The following BACE2 variants were observed in gnomAD, a reference collection of about 807,000 sequenced individuals.
The protein encoded by BACE2 is beta-secretase 2, also known as 56 kDa aspartic-like protease.
BACE2 carries 17 observed loss-of-function variants against 46.2 expected under a neutral mutation model. The ratio of observed to expected loss-of-function variants is 0.37; its 90% CI spans 0.25 to 0.55. The LOEUF (loss-of-function observed/expected upper bound fraction) is 0.55, where lower values mean the gene tolerates loss of function less well. BACE2 is among the 20% of genes least tolerant of loss of function. The pLI is 0.82. For synonymous variants in BACE2, 277 were observed against 295.9 expected (o/e 0.94, Z 0.66); for missense variants, 595 against 698.1 (o/e 0.85, Z 1.66).
intron 4 of BACE2, among the ~76,000 whole-genome samples, chr21:41,242,655 G>A (rs1987336997): frequency 6.6e-6 from 1 of 152,172 alleles, no homozygotes; most frequent in African/African-American, 2.4e-5. Flanking sequence ...TTTGCACAAT[G>A]AAGCTTTGAT....
Position 41,223,103 on chromosome 21 carries a change from C to T in BACE2, c.313-3163C>T, listed in dbSNP as rs138553536. ...GTGCAGTGGCTCATGCCTGTAATCCCAGCACTTTAGGAGGCCAAGACGAGA... is the reference window on the plus strand; with the variant it reads ...GTGCAGTGGCTCATGCCTGTAATCCTAGCACTTTAGGAGGCCAAGACGAGA... On this transcript the variant is annotated intron_variant, in intron 1 of 8. Transcript: ENST00000330333. Among the ~76,000 whole-genome samples the T allele has an allele frequency of 7.0e-3, 1,072 of 152,292 alleles. 8 individuals are homozygous for T. Among genetic ancestry groups the T allele is most frequent in the African/African-American group, 0.025 (1,037 of 41,566 alleles).
At chr21:41,222,975 G>A (rs145736662) in intron 1 of BACE2, among the ~76,000 whole-genome samples, 4 of 152,292 alleles carry the variant, frequency 2.6e-5, no homozygotes, top group Admixed American at 6.5e-5. Context: ...AGCTCAATTC[G>A]GGACACGCCA....
rs1293167558 is a variant in BACE2 at position 41,281,454 on chromosome 21, G to A, written c.*5830G>A. 1.3e-5 allele frequency: 2 copies of A among 152,152 alleles called. No homozygotes were observed. The highest frequency in any genetic ancestry group is 6.5e-5 in the Admixed American group (1 of 15,280). 9.4% of individuals were successfully genotyped at this position (152,152 alleles called of 1,614,324 possible). A position where few individuals can be genotyped will look rare whatever the true frequency, so the allele number is the denominator to read the frequency against. On this transcript the variant is annotated 3_prime_UTR_variant, in exon 9 of 9. Coordinates refer to ENST00000330333, the MANE Select transcript of BACE2 (RefSeq NM_012105.5). ...ATAAAAATGCATTTTTATTCACAAG[G>A]CACAGACAGATAAGAATATCATAAG...
intron 1 of BACE2, among the ~76,000 whole-genome samples, chr21:41,221,776 T>C (rs565328210): frequency 7.2e-4 from 102 of 141,768 alleles, no homozygotes; most frequent in African/African-American, 2.6e-3. Flanking sequence ...TGCAGTGAGC[T>C]GAGATAGAGC....
intron 1 of BACE2, among the ~76,000 whole-genome samples, chr21:41,185,609 C>T (rs1017773141): frequency 4.6e-5 from 7 of 152,158 alleles, no homozygotes; most frequent in African/African-American, 1.4e-4. Flanking sequence ...ATTCGCCTAG[C>T]GAAAGGGGTA....
chr21:41,173,058 C>G (rs367866036), intron 1 of BACE2, among the ~76,000 whole-genome samples: 1 of 152,230 alleles, frequency 6.6e-6, no homozygotes, highest in African/African-American at 2.4e-5. Flanking sequence ...CTGCCCTCCT[C>G]TAACCTGACC....
chr21:41,226,416 A>C, intron 2 of BACE2, 62 bp downstream of exon 2: 1 of 1,434,614 alleles, frequency 7.0e-7, no homozygotes, highest in Non-Finnish European at 9.7e-7. Context: ...ACATGCTTCA[A>C]AATGCACCAG....
intron 6 of BACE2, among the ~76,000 whole-genome samples, 176 bp from the exon 7 acceptor site, chr21:41,250,573 CATT>C (rs1162236446): frequency 1.3e-5 from 2 of 152,284 alleles, no homozygotes; most frequent in South Asian, 4.1e-4. Context: ...CAATTTTAAT[CATT>C]ATTATTTTGT....
intron 2 of BACE2, among the ~76,000 whole-genome samples, chr21:41,231,546 A>C (rs1229190954): frequency 6.6e-6 from 1 of 152,206 alleles, no homozygotes; most frequent in East Asian, 1.9e-4. Context: ...TCTGCAACCA[A>C]CAGCAGGTTT....
chr21:41,261,623 T>G (rs936307691), intron 8 of BACE2, among the ~76,000 whole-genome samples: 1 of 152,104 alleles, frequency 6.6e-6, no homozygotes, highest in African/African-American at 2.4e-5. Flanking sequence ...GCCCTGTGCC[T>G]TATTTAAGAA....
intron 8 of BACE2, among the ~76,000 whole-genome samples, chr21:41,269,041 G>C (rs1004720546): frequency 6.6e-6 from 1 of 151,708 alleles, no homozygotes; most frequent in Non-Finnish European, 1.5e-5. Flanking sequence ...TGCAATCTCT[G>C]CCTCCCGGGT....
chr21:41,174,162 T>C (rs1203220970), intron 1 of BACE2, among the ~76,000 whole-genome samples: 1 of 145,154 alleles, frequency 6.9e-6, no homozygotes, highest in Non-Finnish European at 1.5e-5. Flanking sequence ...TTTTTTTTTT[T>C]TTAAACAGTC....
chr21:41,204,004 G>A (rs1986048278), intron 1 of BACE2, among the ~76,000 whole-genome samples: 1 of 152,148 alleles, frequency 6.6e-6, no homozygotes, highest in Non-Finnish European at 1.5e-5. Context: ...GGGATTTACT[G>A]TGGAGGAGAA....
In BACE2 at chr21:41,250,801, G is replaced by C; in HGVS notation, c.1034G>C (p.Trp345Ser). 1 of 1,614,116 alleles carries C rather than the reference G, an allele frequency of 6.2e-7. No homozygotes were observed. Among genetic ancestry groups the C allele is most frequent in the Non-Finnish European group, 8.5e-7 (1 of 1,180,010 alleles). ...GFWTGSQLAC[W>S]TNSETPWSYF... ...TGGACTGGGTCCCAGCTGGCGTGCT[G>C]GACGAATTCGGAAACACCTTGGTCT... The change falls in exon 7 of 9, where the codon TGG (tryptophan) becomes TCG (serine). Residue 345 changes from tryptophan to serine, a missense_variant. Trp to Ser is a radical substitution (Grantham distance 177). Around this residue, in one of 3 missense-constraint regions of BACE2, gnomAD observed 343 missense variants for 419.4 expected, o/e 0.82. Coordinates refer to ENST00000330333, the MANE Select transcript of BACE2 (RefSeq NM_012105.5).
chr21:41,192,585 T>C (rs550108008), intron 1 of BACE2, among the ~76,000 whole-genome samples: 1 of 152,266 alleles, frequency 6.6e-6, no homozygotes, highest in South Asian at 2.1e-4. Context: ...CTTGCTCCAA[T>C]ATTCTAGAGG....
At chr21:41,170,123 T>C (rs966808788) in intron 1 of BACE2, among the ~76,000 whole-genome samples, 1 of 151,716 alleles carries the variant, frequency 6.6e-6, no homozygotes, top group Non-Finnish European at 1.5e-5. Context: ...GTCTGAGGGC[T>C]ATGATAAAAG....
chr21:41,230,549 T>G (rs1326202623), intron 2 of BACE2, among the ~76,000 whole-genome samples: 1 of 152,228 alleles, frequency 6.6e-6, no homozygotes, highest in African/African-American at 2.4e-5. Flanking sequence ...CCCTGTGATG[T>G]GTCTGTATTT....
chr21:41,246,133 C>T (rs761372857), intron 6 of BACE2, 70 bp downstream of exon 6: 29 of 1,223,834 alleles, frequency 2.4e-5, no homozygotes, highest in South Asian at 2.2e-4. Flanking sequence ...AGCAGCACTG[C>T]GTGTTCTGAG....
intron 2 of BACE2, among the ~76,000 whole-genome samples, chr21:41,227,398 G>T (rs868376129): frequency 6.6e-6 from 1 of 152,182 alleles, no homozygotes; most frequent in African/African-American, 2.4e-5. Flanking sequence ...GGAAATAAAG[G>T]CCAGCTCTAG....
Sources: gnomAD v4.1 joint callset for allele counts (sites outside exome capture counted in the v4.1 genomes callset) on GRCh38, gnomAD v4.1.1 for gene constraint, gnomAD v4.1.1 regional missense constraint, MANE v1.5 for transcripts, NCBI Gene and HGNC (gene_info 2026-07-23, HGNC 2026-07-21) for gene names.